ATP2B2: variants seen among roughly 807,000 people sequenced by gnomAD.
ATP2B2 encodes the protein plasma membrane calcium-transporting ATPase 2.
In ATP2B2, 15 loss-of-function variants were observed where a neutral mutation model predicts 120.0. That is an observed-to-expected ratio of 0.12 (90% CI 0.08 to 0.19). The LOEUF is 0.19. Ranked by LOEUF, ATP2B2 falls within the 10% of genes least tolerant of loss-of-function variation. ATP2B2 has a pLI of 1.00. For missense variants in ATP2B2, 1,045 were observed against 1,719.8 expected, an observed-to-expected ratio of 0.61 and a Z score of 6.94; for synonymous variants, 694 against 700.3, an observed-to-expected ratio of 0.99 and a Z score of 0.14.
intron 12 of ATP2B2, among the ~76,000 whole-genome samples, chr3:10,365,392 A>G (rs2061014836): frequency 6.6e-6 from 1 of 152,210 alleles, no homozygotes; most frequent in Non-Finnish European, 1.5e-5. Context: ...TGGTTCCCAG[A>G]ATCATCCTCT....
intron 2 of ATP2B2, 129 bp from the exon 3 acceptor site, chr3:10,410,944 C>T (rs2062590839): frequency 8.9e-7 from 1 of 1,125,716 alleles, no homozygotes; most frequent in South Asian, 1.3e-5. Context: ...AGCCCAACAT[C>T]TCTTCATGCT....
intron 2 of ATP2B2, among the ~76,000 whole-genome samples, chr3:10,582,520 T>C (rs531346878): frequency 3.9e-5 from 6 of 152,324 alleles, no homozygotes; most frequent in East Asian, 1.9e-4. Context: ...CAGAATTATA[T>C]GTGCTTTGGA....
chr3:10,384,284 AC>A (rs2124834194), intron 8 of ATP2B2, among the ~76,000 whole-genome samples: 1 of 152,132 alleles, frequency 6.6e-6, no homozygotes, highest in African/African-American at 2.4e-5. Flanking sequence ...TGGATGAGAA[AC>A]CCACAGCCCA....
At chr3:10,691,455 G>C (rs762612092) in intron 1 of ATP2B2, among the ~76,000 whole-genome samples, 5 of 152,122 alleles carry the variant, frequency 3.3e-5, no homozygotes, top group Non-Finnish European at 5.9e-5. Flanking sequence ...TGAGGTCCTG[G>C]GCTTTTCCAG....
intron 1 of ATP2B2, among the ~76,000 whole-genome samples, chr3:10,695,474 A>C (rs1466139463): frequency 2.0e-5 from 3 of 152,180 alleles, no homozygotes; most frequent in Non-Finnish European, 4.4e-5. Flanking sequence ...TAAACTGCCA[A>C]TTCTGAGCCT....
rs1017563867 is a variant in ATP2B2 at position 10,485,519 on chromosome 3, G to A, written c.-320+19946C>T. On this transcript the variant is annotated intron_variant, in intron 1 of 22. Transcript: ENST00000360273. The stretch of plus-strand genomic sequence containing the variant: ...GTCCCGCAGCAGGCTCCTCTCCTGC[G>A]CCCGCTCCCTCCGCTTCTCCCTGCC... 4.6e-5 allele frequency among the ~76,000 whole-genome samples: 7 copies of A among 152,302 alleles called. No individual in the cohort carries two copies. The South Asian group carries it at 1.0e-3, about 23-fold the overall frequency.
intron 2 of ATP2B2, among the ~76,000 whole-genome samples, chr3:10,606,941 AGAGGGAGAGGGGGAG>A (rs1559483234): frequency 2.8e-5 from 2 of 71,272 alleles, no homozygotes; most frequent in Non-Finnish European, 4.7e-5. Flanking sequence ...AGAGAGAGGG[AGAGGGAGAGGGGGAG>A]GGGGGGAGAG....
At chr3:10,426,630 C>T (rs1365442665) in intron 2 of ATP2B2, among the ~76,000 whole-genome samples, 2 of 152,188 alleles carry the variant, frequency 1.3e-5, no homozygotes, top group Non-Finnish European at 2.9e-5. Flanking sequence ...CCAGCCTGGG[C>T]CTCAGCCTGG....
At chr3:10,618,336 C>G (rs985553553) in intron 2 of ATP2B2, among the ~76,000 whole-genome samples, 3 of 152,170 alleles carry the variant, frequency 2.0e-5, no homozygotes, top group Admixed American at 6.5e-5. Flanking sequence ...AGTACTGTGC[C>G]TGGCACATGG....
chr3:10,509,783 C>T (rs1392358775), upstream of ATP2B2, among the ~76,000 whole-genome samples: 1 of 152,228 alleles, frequency 6.6e-6, no homozygotes, highest in African/African-American at 2.4e-5. Flanking sequence ...AGGCCTGAAA[C>T]TCCCTCAGCC....
intron 1 of ATP2B2, among the ~76,000 whole-genome samples, chr3:10,704,303 A>C (rs2071865205): frequency 6.6e-6 from 1 of 152,242 alleles, no homozygotes; most frequent in Non-Finnish European, 1.5e-5. Context: ...AGCAAGTGGC[A>C]TATGGCAGGG....
Position 10,438,862 on chromosome 3 carries a change from G to A in ATP2B2, c.199+10483C>T, listed in dbSNP as rs556065568. ...GCAACATTTCTCACCCCTTAGGCCCGTGTGACAGATGAGGAAACTGAGACC... is the reference window on the plus strand; with the variant it reads ...GCAACATTTCTCACCCCTTAGGCCCATGTGACAGATGAGGAAACTGAGACC... On this transcript the variant is annotated intron_variant, in intron 2 of 22. Transcript: ENST00000360273. Among the ~76,000 whole-genome samples, 8 of 152,338 alleles carry A rather than the reference G, an allele frequency of 5.3e-5. No individual in the cohort carries two copies. In the South Asian group the frequency reaches 1.2e-3, roughly 24 times the overall value.
chr3:10,539,277 C>T (rs1253096984), intron 2 of ATP2B2, among the ~76,000 whole-genome samples: 1 of 152,246 alleles, frequency 6.6e-6, no homozygotes, highest in South Asian at 2.1e-4. Flanking sequence ...GAATCAATGT[C>T]GTGAAAATGG....
chr3:10,417,767 G>A (rs1260067029), intron 2 of ATP2B2, among the ~76,000 whole-genome samples: 1 of 152,208 alleles, frequency 6.6e-6, no homozygotes, highest in African/African-American at 2.4e-5. Context: ...TTGTAATTGG[G>A]TGAGCTTGGA....
chr3:10,365,882 G>A (rs1034374582), intron 12 of ATP2B2, among the ~76,000 whole-genome samples: 3 of 31,354 alleles, frequency 9.6e-5, no homozygotes, highest in Non-Finnish European at 2.2e-4. Flanking sequence ...GTCACTGTGT[G>A]CATATCAGGG....
chr3:10,403,790 GAA>G (rs1327021235), intron 3 of ATP2B2, among the ~76,000 whole-genome samples: 1 of 152,186 alleles, frequency 6.6e-6, no homozygotes, highest in African/African-American at 2.4e-5. Flanking sequence ...TGTTCAGAGA[GAA>G]GCAGAGACTC....
chr3:10,630,378 C>G (rs940881128), intron 1 of ATP2B2, among the ~76,000 whole-genome samples: 1 of 152,104 alleles, frequency 6.6e-6, no homozygotes, highest in Non-Finnish European at 1.5e-5. Flanking sequence ...CATGTGTTCT[C>G]ATCATTTGGC....
chr3:10,580,380 C>A (rs1323619819), intron 2 of ATP2B2, among the ~76,000 whole-genome samples: 1 of 152,158 alleles, frequency 6.6e-6, no homozygotes, highest in Non-Finnish European at 1.5e-5. Context: ...GTGTGTCTTG[C>A]TCTTCTTGTG....
intron 3 of ATP2B2, 43 bp downstream of exon 3, chr3:10,410,575 G>T (rs1447408919): frequency 1.9e-6 from 3 of 1,551,864 alleles, no homozygotes; most frequent in Non-Finnish European, 2.6e-6. Context: ...GGATGCGGTG[G>T]CCAGGTGTGC....
Sources: allele counts gnomAD v4.1 joint callset (sites outside exome capture counted in the v4.1 genomes callset), GRCh38; gene constraint gnomAD v4.1.1; transcripts MANE v1.5; gene names NCBI Gene and HGNC (gene_info 2026-07-23, HGNC 2026-07-21).